The following ELMOD1 variants were observed in gnomAD, a reference collection of about 807,000 sequenced individuals.
The protein encoded by ELMOD1 is ELMO domain containing 1.
In ELMOD1, 21 loss-of-function variants were observed where a neutral mutation model predicts 46.7. The observed-to-expected ratio is 0.45, with a 90% CI of 0.32 to 0.65. The LOEUF is 0.65. Among genes scored for constraint, ELMOD1 ranks in the 30% least tolerant of loss-of-function variants. The pLI, the probability that ELMOD1 is intolerant of heterozygous loss-of-function variation, is 0.04. For synonymous variants in ELMOD1, 122 were observed against 138.2 expected, an observed-to-expected ratio of 0.88 and a Z score of 0.82; for missense variants, 348 against 407.8, an observed-to-expected ratio of 0.85 and a Z score of 1.26.
intron 11 of ELMOD1, among the ~76,000 whole-genome samples, chr11:107,663,794 TG>T (rs1565394558): frequency 1.3e-5 from 2 of 152,228 alleles, no homozygotes; most frequent in African/African-American, 2.4e-5. Flanking sequence ...TTGATTTTTT[TG>T]TACTATTAGA....
intron 1 of ELMOD1, among the ~76,000 whole-genome samples, chr11:107,612,762 A>T (rs1039608638): frequency 2.6e-5 from 4 of 152,224 alleles, no homozygotes; most frequent in Non-Finnish European, 5.9e-5. Context: ...CTCCTTTAAA[A>T]CAAAGCTACT....
rs1180978255 is a variant in ELMOD1, at chr11:107,603,902, TA to T, written c.-86+12502del. ...AAAAAAAAAAAAAGGAATTAAAGATTAAAAAAAAACAGTGTTAAATACATCA... is the reference window on the plus strand; with the variant it reads ...AAAAAAAAAAAAAGGAATTAAAGATTAAAAAAAACAGTGTTAAATACATCA... On this transcript the variant is annotated intron_variant, in intron 1 of 11. Coordinates refer to ENST00000265840, the MANE Select transcript of ELMOD1 (RefSeq NM_018712.4). Among the ~76,000 whole-genome samples the T allele has an allele frequency of 3.3e-3, 485 of 148,600 alleles. 8 individuals are homozygous for T. Among genetic ancestry groups the T allele is most frequent in the African/African-American group, 0.011 (447 of 40,414 alleles).
At chr11:107,659,511 A>T (rs1368434427) in intron 11 of ELMOD1, among the ~76,000 whole-genome samples, 1 of 152,110 alleles carries the variant, frequency 6.6e-6, no homozygotes, top group Non-Finnish European at 1.5e-5. Context: ...AGAGCCACAC[A>T]GTGGGGGAGC....
chr11:107,632,556 A>G (rs1280168588), intron 5 of ELMOD1, among the ~76,000 whole-genome samples: 1 of 152,180 alleles, frequency 6.6e-6, no homozygotes, highest in Non-Finnish European at 1.5e-5. Context: ...CCTGGTCTCT[A>G]TAGCGTTCTT....
chr11:107,660,875 A>G (rs939056246), intron 11 of ELMOD1, among the ~76,000 whole-genome samples: 1 of 152,186 alleles, frequency 6.6e-6, no homozygotes, highest in Non-Finnish European at 1.5e-5. Context: ...CCTCTCTCCA[A>G]TAGACCCAGC....
intron 1 of ELMOD1, among the ~76,000 whole-genome samples, chr11:107,617,302 G>A (rs747529686): frequency 1.3e-5 from 2 of 152,112 alleles, no homozygotes; most frequent in Non-Finnish European, 2.9e-5. Flanking sequence ...GCTCTTTTTC[G>A]AATGTATATT....
rs12798838 is a variant in ELMOD1, at chr11:107,654,386, T to C, written c.698+164T>C. Among the ~76,000 whole-genome samples the C allele has an allele frequency of 2.8e-3, 433 of 152,358 alleles. 2 individuals are homozygous for C. The highest frequency in any genetic ancestry group is 9.9e-3 in the African/African-American group (411 of 41,590). ...CCTTCTATATGTTTGTGGATTTATC[T>C]GTATGGTTATATGATATTACTTTGC... On this transcript the variant is annotated intron_variant, in intron 10 of 11. Transcript: ENST00000265840.
chr11:107,619,944 C>G (rs559684962), intron 2 of ELMOD1: 11 of 152,214 alleles, frequency 7.2e-5, no homozygotes, highest in Middle Eastern at 3.4e-3. Context: ...TACATTAAAA[C>G]AGAAACTTGA....
intron 5 of ELMOD1, among the ~76,000 whole-genome samples, chr11:107,631,882 C>T (rs1320867543): frequency 6.6e-6 from 1 of 152,078 alleles, no homozygotes; most frequent in East Asian, 1.9e-4. Context: ...TCCTTTGTGG[C>T]TTATGCTTCT....
intron 6 of ELMOD1, among the ~76,000 whole-genome samples, chr11:107,637,860 ATCATCTAAAATACTGTTGGAGGGATT>A (rs1866256631): frequency 6.6e-6 from 1 of 152,112 alleles, no homozygotes; most frequent in Non-Finnish European, 1.5e-5. Context: ...CTTCTCTCAC[ATCATCTAAAATACTGTTGGAGGGATT>A]TTTTTTTCCT....
At chr11:107,610,610 C>T (rs1865759578) in intron 1 of ELMOD1, among the ~76,000 whole-genome samples, 1 of 150,196 alleles carries the variant, frequency 6.7e-6, no homozygotes, top group South Asian at 2.1e-4. Context: ...TTGCAGTGAG[C>T]CAAGATTGTG....
chr11:107,602,230 A>T (rs1022350500), intron 1 of ELMOD1, among the ~76,000 whole-genome samples: 1 of 152,108 alleles, frequency 6.6e-6, no homozygotes, highest in Non-Finnish European at 1.5e-5. Context: ...GATGCTTTCT[A>T]TGTGAGCTGT....
rs551252176 is a variant in ELMOD1, at chr11:107,645,628, TTGTGTTTTGA to T, written c.421-1837_421-1828del. The stretch of plus-strand genomic sequence containing the variant: ...GCATGAGCCACCGCGCCCGGCCAGT[TTGTGTTTTGA>T]TGAATGCAGGGCACTGGCACATTCT... On this transcript the variant is annotated intron_variant, in intron 6 of 11. Transcript: ENST00000265840. 1.2e-4 allele frequency among the ~76,000 whole-genome samples: 18 copies of T among 152,318 alleles called. No individual in the cohort carries two copies. The East Asian group carries it at 3.5e-3, about 29-fold the overall frequency.
chr11:107,653,936 G>A (rs1866574079), intron 9 of ELMOD1: 6 of 494,758 alleles, frequency 1.2e-5, no homozygotes, highest in Non-Finnish European at 2.2e-5. Context: ...TTAATGTTTG[G>A]CCTTTAGGGC....
chr11:107,654,735 C>T (rs991851462), intron 10 of ELMOD1, among the ~76,000 whole-genome samples: 1 of 147,712 alleles, frequency 6.8e-6, no homozygotes, highest in Non-Finnish European at 1.5e-5. Context: ...CGCCACTGCA[C>T]TCCAGCCTGG....
intron 6 of ELMOD1, among the ~76,000 whole-genome samples, chr11:107,646,950 CTATCTAT>C (rs1866438560): frequency 9.5e-6 from 1 of 105,414 alleles, no homozygotes; most frequent in African/African-American, 4.9e-5. Flanking sequence ...TCTAATCTAT[CTATCTAT>C]CTATCTATCT....
At chr11:107,628,980 A>C (rs182922914) in intron 2 of ELMOD1, among the ~76,000 whole-genome samples, 1 of 152,280 alleles carries the variant, frequency 6.6e-6, no homozygotes, top group Non-Finnish European at 1.5e-5. Context: ...TTTCTACTTG[A>C]TAAACATATC....
At chr11:107,656,189 A>G in intron 11 of ELMOD1, 123 bp downstream of exon 11, 3 of 1,084,528 alleles carry the variant, frequency 2.8e-6, no homozygotes, top group Non-Finnish European at 3.9e-6. Flanking sequence ...GGAGTTCAAG[A>G]CCAGCTTGGC....
At chr11:107,657,010 GAAAT>G (rs1238407643) in intron 11 of ELMOD1, among the ~76,000 whole-genome samples, 1 of 152,104 alleles carries the variant, frequency 6.6e-6, no homozygotes, top group Non-Finnish European at 1.5e-5. Context: ...GGGAATCAAA[GAAAT>G]AAATTAAGAA....
Sources: gnomAD v4.1 joint callset for allele counts (sites outside exome capture counted in the v4.1 genomes callset) on GRCh38, gnomAD v4.1.1 for gene constraint, MANE v1.5 for transcripts, NCBI Gene and HGNC (gene_info 2026-07-23, HGNC 2026-07-21) for gene names.